KCNH8: variants seen among roughly 807,000 people sequenced by gnomAD.
KCNH8 encodes potassium voltage-gated channel subfamily H member 8.
A neutral mutation model predicts 103.6 loss-of-function variants in KCNH8; 70 were observed. The ratio of observed to expected loss-of-function variants is 0.68; its 90% CI spans 0.56 to 0.82. The LOEUF (loss-of-function observed/expected upper bound fraction) is 0.82. KCNH8 is among the 40% of genes least tolerant of loss of function. The pLI is 0.00. For synonymous variants in KCNH8, 498 were observed against 489.4 expected, an observed-to-expected ratio of 1.02 and a Z score of -0.23; for missense variants, 1,217 against 1,329.9, an observed-to-expected ratio of 0.92 and a Z score of 1.32.
Position 19,482,023 on chromosome 3 carries a change from G to A in KCNH8, c.2040+25041G>A, listed in dbSNP as rs936261543. Among the ~76,000 whole-genome samples the A allele has an allele frequency of 5.9e-5, 9 of 152,282 alleles. 1 individual carries two copies. The highest frequency in any genetic ancestry group is 2.4e-5 in the African/African-American group (1 of 41,570). On this transcript the variant is annotated intron_variant, in intron 11 of 15. Transcript: ENST00000328405. ...CACGTCTCCAAAAACCGAGCTCCCC[G>A]AGTGAGCAATTCTTGTCCCTTTTAA...
At chr3:19,341,564 C>G (rs2065659974) in intron 3 of KCNH8, among the ~76,000 whole-genome samples, 1 of 152,022 alleles carries the variant, frequency 6.6e-6, no homozygotes, top group African/African-American at 2.4e-5. Context: ...TTTGGTGGCA[C>G]ATATGATGAG....
At chr3:19,253,915 G>T in intron 2 of KCNH8, 28 bp downstream of exon 2, 1 of 1,498,918 alleles carries the variant, frequency 6.7e-7, no homozygotes, top group South Asian at 1.1e-5. Flanking sequence ...CGTGCTCACT[G>T]GAGAGTAGTG....
chr3:19,222,696 C>A lies in KCNH8; in HGVS notation c.77-30958C>A, dbSNP rs371636564. On this transcript the variant is annotated intron_variant, in intron 1 of 15. Transcript: ENST00000328405. ...TTTGATAAAAGTAATTCAAAACTTT[C>A]CAGATCTAGTGTAAGCCAGTTGTAG... Among the ~76,000 whole-genome samples, 55 of 152,032 alleles carry A rather than the reference C, an allele frequency of 3.6e-4. 1 individual carries two copies. The South Asian group carries it at 0.011, about 29-fold the overall frequency.
rs142985161 is a variant in KCNH8, at chr3:19,251,366, G to A, written c.77-2288G>A. Among the ~76,000 whole-genome samples the A allele has an allele frequency of 1.6e-3, 239 of 152,124 alleles. 4 individuals are homozygous for A. Among genetic ancestry groups the A allele is most frequent in the Middle Eastern group, 0.01 (3 of 294 alleles). On this transcript the variant is annotated intron_variant, in intron 1 of 15. Transcript: ENST00000328405. ...AAACAATGTATAATTGGAGTTTCTC[G>A]GTGTGTGTCTCTAGCTCATGCTTTC...
At chr3:19,216,610 T>C (rs180916049) in intron 1 of KCNH8, among the ~76,000 whole-genome samples, 353 of 152,336 alleles carry the variant, frequency 2.3e-3, no homozygotes, top group African/African-American at 7.9e-3. Flanking sequence ...ACTACTAAAA[T>C]GTGTTAGAGT....
chr3:19,485,620 C>T lies in KCNH8; in HGVS notation c.2041-24743C>T, dbSNP rs565003833. On this transcript the variant is annotated intron_variant, in intron 11 of 15. Coordinates refer to ENST00000328405, the MANE Select transcript of KCNH8 (RefSeq NM_144633.3). Reference sequence around the variant, plus strand: ...GATCTATCCTCCTTTTATTACTTGCCCCCTTTCTGCATGGAAAAAGTCTTT... The same window carrying T: ...GATCTATCCTCCTTTTATTACTTGCTCCCTTTCTGCATGGAAAAAGTCTTT... Among the ~76,000 whole-genome samples, 5 of 152,244 alleles carry T rather than the reference C, an allele frequency of 3.3e-5. No individual in the cohort carries two copies. The South Asian group carries it at 1.0e-3, about 32-fold the overall frequency.
Position 19,332,053 on chromosome 3 carries a change from G to GTT in KCNH8, c.443-10520_443-10519dup, listed in dbSNP as rs11417836. Among the ~76,000 whole-genome samples, 507 of 140,794 alleles carry GTT rather than the reference G, an allele frequency of 3.6e-3. 2 individuals carry two copies. The highest frequency in any genetic ancestry group is 7.1e-3 in the African/African-American group (275 of 38,540). The allele number at this position is 140,794 out of a possible 152,430, so 92.4% of individuals were successfully genotyped here. On this transcript the variant is annotated intron_variant, in intron 3 of 15. Transcript: ENST00000328405. ...TATCACCTATTTTTGCATTACGTTA[G>GTT]TTTTTTTTTTTTTTTCACATACACT...
chr3:19,416,984 T>C (rs2125152779), intron 7 of KCNH8, among the ~76,000 whole-genome samples: 1 of 152,152 alleles, frequency 6.6e-6, no homozygotes, highest in Middle Eastern at 3.4e-3. Flanking sequence ...AGTTATAGCC[T>C]GTGCCTTGCA....
intron 5 of KCNH8, among the ~76,000 whole-genome samples, chr3:19,373,002 A>T (rs2066126485): frequency 1.3e-5 from 2 of 151,710 alleles, no homozygotes; most frequent in Non-Finnish European, 1.5e-5. Flanking sequence ...GTGCTGCTGG[A>T]TTCGTTTTGC....
At chr3:19,188,724 C>G (rs967828774) in intron 1 of KCNH8, among the ~76,000 whole-genome samples, 3 of 151,956 alleles carry the variant, frequency 2.0e-5, no homozygotes, top group African/African-American at 2.4e-5. Flanking sequence ...AAATAAAGAA[C>G]TAGGTTTTTA....
At chr3:19,174,985 TAGTC>T (rs1200314890) in intron 1 of KCNH8, among the ~76,000 whole-genome samples, 3 of 152,140 alleles carry the variant, frequency 2.0e-5, no homozygotes, top group Admixed American at 6.5e-5. Flanking sequence ...TTTGACCAAT[TAGTC>T]AGAATATGAA....
At position 19,516,593 on chromosome 3, in the gene KCNH8, A is replaced by G. The variant is rs372317624; in HGVS notation, c.2542+1165A>G. On this transcript the variant is annotated intron_variant, in intron 14 of 15. Coordinates refer to ENST00000328405, the MANE Select transcript of KCNH8 (RefSeq NM_144633.3). The stretch of plus-strand genomic sequence containing the variant: ...GTTTACCTTTTTGGTTCAACTAGAG[A>G]CAGTGCACAGAAACTCACCATTTCA... 1.5e-4 allele frequency among the ~76,000 whole-genome samples: 23 copies of G among 152,178 alleles called. No homozygotes were observed. In the East Asian group the frequency reaches 3.7e-3, roughly 24 times the overall value.
intron 1 of KCNH8, among the ~76,000 whole-genome samples, chr3:19,175,998 G>A (rs2125197717): frequency 6.6e-6 from 1 of 152,240 alleles, no homozygotes; most frequent in East Asian, 1.9e-4. Context: ...AGCTACGTTA[G>A]CTTGTTAGAA....
intron 11 of KCNH8, among the ~76,000 whole-genome samples, chr3:19,482,277 C>T (rs1239416749): frequency 2.6e-5 from 4 of 152,166 alleles, no homozygotes; most frequent in East Asian, 3.9e-4. Flanking sequence ...GGTGTGGCGC[C>T]GGGCTGTCTG....
chr3:19,462,103 T>C (rs891877920), intron 11 of KCNH8, among the ~76,000 whole-genome samples: 1 of 152,158 alleles, frequency 6.6e-6, no homozygotes, highest in African/African-American at 2.4e-5. Context: ...AATAAACATA[T>C]GTGTGCATGT....
intron 7 of KCNH8, among the ~76,000 whole-genome samples, chr3:19,432,295 C>T (rs894191746): frequency 3.3e-5 from 5 of 152,136 alleles, no homozygotes; most frequent in African/African-American, 1.2e-4. Context: ...TAGATGACAA[C>T]ACCCTATCCT....
intron 1 of KCNH8, among the ~76,000 whole-genome samples, chr3:19,157,729 A>C (rs1575401945): frequency 6.6e-6 from 1 of 151,972 alleles, no homozygotes; most frequent in East Asian, 1.9e-4. Context: ...AGAATTTTTT[A>C]ATATGTTTAA....
chr3:19,488,901 G>T (rs879705588), intron 11 of KCNH8, among the ~76,000 whole-genome samples: 9 of 152,186 alleles, frequency 5.9e-5, no homozygotes, highest in Admixed American at 5.9e-4. Context: ...TTATGAGTCT[G>T]TATAACGGTT....
At chr3:19,492,830 CGTGTGTGTGTGT>C (rs67383228) in intron 11 of KCNH8, among the ~76,000 whole-genome samples, 17,413 of 123,448 alleles carry the variant, frequency 0.14, 1,259 homozygotes, top group Admixed American at 0.17. Flanking sequence ...AATGTTTTTT[CGTGTGTGTGTGT>C]GTGTGTGTGT....
Sources: gnomAD v4.1 joint callset for allele counts (sites outside exome capture counted in the v4.1 genomes callset) on GRCh38, gnomAD v4.1.1 for gene constraint, MANE v1.5 for transcripts, NCBI Gene and HGNC (gene_info 2026-07-23, HGNC 2026-07-21) for gene names.